CTNND2: variants seen among roughly 807,000 people sequenced by gnomAD.
The protein encoded by CTNND2 is catenin delta-2.
In CTNND2, 22 loss-of-function variants were observed where a neutral mutation model predicts 144.4. The observed-to-expected ratio is 0.15, with a 90% CI of 0.11 to 0.22. CTNND2 has a LOEUF of 0.22. Ranked by LOEUF, CTNND2 falls within the 10% of genes least tolerant of loss-of-function variation. CTNND2 has a pLI of 1.00. For synonymous variants in CTNND2, 751 were observed against 695.6 expected (o/e 1.08, Z -1.25); for missense variants, 1,353 against 1,618.8 (o/e 0.84, Z 2.82).
At chr5:11,423,633 T>A (rs1762540861) in intron 3 of CTNND2, among the ~76,000 whole-genome samples, 1 of 152,184 alleles carries the variant, frequency 6.6e-6, no homozygotes, top group African/African-American at 2.4e-5. Context: ...TGCATGAGTG[T>A]GTGAATGTGT....
chr5:11,527,117 AGAT>A (rs1561516232), intron 3 of CTNND2, among the ~76,000 whole-genome samples: 1 of 152,172 alleles, frequency 6.6e-6, no homozygotes, highest in Non-Finnish European at 1.5e-5. Context: ...CAGTTTTGGA[AGAT>A]GAAAAAATTC....
chr5:11,741,985 G>A (rs1788042975), intron 1 of CTNND2, among the ~76,000 whole-genome samples: 1 of 151,698 alleles, frequency 6.6e-6, no homozygotes, highest in African/African-American at 2.4e-5. Flanking sequence ...TCACTCATAA[G>A]TGGGAGCTAA....
chr5:11,387,381 C>G (rs2149803438), intron 6 of CTNND2, among the ~76,000 whole-genome samples: 1 of 152,144 alleles, frequency 6.6e-6, no homozygotes, highest in South Asian at 2.1e-4. Context: ...CAAAGTTTGC[C>G]AACACTGCTC....
intron 20 of CTNND2, among the ~76,000 whole-genome samples, chr5:10,982,342 G>A (rs1737393099): frequency 1.3e-5 from 2 of 152,354 alleles, no homozygotes; most frequent in South Asian, 4.1e-4. Context: ...TCGCCTGCAT[G>A]TCCCCCATGT....
At chr5:11,517,753 A>G (rs753081239) in intron 3 of CTNND2, among the ~76,000 whole-genome samples, 17 of 152,138 alleles carry the variant, frequency 1.1e-4, no homozygotes, top group Non-Finnish European at 1.6e-4. Flanking sequence ...ACAAACCTGC[A>G]CATTCTGCCT....
At position 11,017,603 on chromosome 5, in the gene CTNND2, CATATAT is replaced by C. The variant is rs55835829; in HGVS notation, c.3084+365_3084+370del. Among the ~76,000 whole-genome samples, 36 of 99,958 alleles carry C rather than the reference CATATAT, an allele frequency of 3.6e-4. No individual in the cohort carries two copies. In the East Asian group the frequency reaches 0.014, roughly 38 times the overall value. 65.6% of individuals were successfully genotyped at this position (99,958 alleles called of 152,430 possible). ...CTTTCCATATATATATATATCTTTC[CATATAT>C]ATATATATATATTTCCAAAATTACT... On this transcript the variant is annotated intron_variant, in intron 18 of 21. Coordinates refer to ENST00000304623, the MANE Select transcript of CTNND2 (RefSeq NM_001332.4).
rs74455152 is a variant in CTNND2, at chr5:11,807,126, C to T, written c.38-74854G>A. 2.7e-3 allele frequency among the ~76,000 whole-genome samples: 407 copies of T among 152,260 alleles called. 3 individuals are homozygous for T. Among genetic ancestry groups the T allele is most frequent in the Middle Eastern group, 0.01 (3 of 294 alleles). ...AATAATACATGCACATAGTCAACTGCTAAATAGTTCAGGAGGATTTCATAT... is the reference window on the plus strand; with the variant it reads ...AATAATACATGCACATAGTCAACTGTTAAATAGTTCAGGAGGATTTCATAT... On this transcript the variant is annotated intron_variant, in intron 1 of 21. Coordinates refer to ENST00000304623, the MANE Select transcript of CTNND2 (RefSeq NM_001332.4).
intron 1 of CTNND2, among the ~76,000 whole-genome samples, chr5:11,782,675 T>C (rs1790608859): frequency 6.6e-6 from 1 of 152,252 alleles, no homozygotes; most frequent in South Asian, 2.1e-4. Flanking sequence ...GCTTGGTCCT[T>C]AATTCAACCT....
intron 2 of CTNND2, among the ~76,000 whole-genome samples, chr5:11,631,578 C>T (rs1463032793): frequency 6.6e-6 from 1 of 152,158 alleles, no homozygotes; most frequent in East Asian, 1.9e-4. Flanking sequence ...TCGCTCACCA[C>T]CTCCAAGTAT....
intron 15 of CTNND2, among the ~76,000 whole-genome samples, chr5:11,087,279 G>A (rs575841216): frequency 1.3e-5 from 2 of 152,250 alleles, no homozygotes; most frequent in East Asian, 3.9e-4. Context: ...AAGAGGGTAG[G>A]AAACACCTCC....
rs1044566096 is a variant in CTNND2, at chr5:11,059,347, A to G, written c.2788+23349T>C. On this transcript the variant is annotated intron_variant, in intron 16 of 21. Coordinates refer to ENST00000304623, the MANE Select transcript of CTNND2 (RefSeq NM_001332.4). ...CTCACAACAGTGAATAAGTCTCATG[A>G]GATCTGATGGTTTTAAAAGGAGGAG... is the stretch of plus-strand genomic sequence containing the variant. Among the ~76,000 whole-genome samples the G allele has an allele frequency of 2.0e-5, 3 of 152,162 alleles. No individual in the cohort carries two copies. In the East Asian group the frequency reaches 5.8e-4, roughly 29 times the overall value.
chr5:11,338,481 A>C (rs1222086918), intron 9 of CTNND2, among the ~76,000 whole-genome samples: 2 of 152,196 alleles, frequency 1.3e-5, no homozygotes, highest in African/African-American at 4.8e-5. Context: ...CTCGTTCCCT[A>C]GAGGAAGGTC....
In CTNND2 at chr5:11,213,997, GTTAA is replaced by G. The variant is rs556386587; in HGVS notation, c.1762-14340_1762-14337del. Among the ~76,000 whole-genome samples, 8 of 152,178 alleles carry G rather than the reference GTTAA, an allele frequency of 5.3e-5. No individual in the cohort carries two copies. The South Asian group carries it at 8.3e-4, about 16-fold the overall frequency. On this transcript the variant is annotated intron_variant, in intron 10 of 21. Transcript: ENST00000304623. ...TTTATTCCAATTTAAAGCTTGTAGC[GTTAA>G]TTTTCTTTTTTTCTTGTAACCCACC... is the stretch of plus-strand genomic sequence containing the variant.
chr5:11,061,928 C>T (rs1317957103), intron 16 of CTNND2, among the ~76,000 whole-genome samples: 1 of 152,094 alleles, frequency 6.6e-6, no homozygotes, highest in African/African-American at 2.4e-5. Flanking sequence ...AGGCTGCTCT[C>T]GAACTCCTGA....
At chr5:11,812,834 G>GCCCC (rs1446146081) in intron 1 of CTNND2, among the ~76,000 whole-genome samples, 5 of 151,982 alleles carry the variant, frequency 3.3e-5, no homozygotes, top group Admixed American at 2.0e-4. Context: ...AGTTACTGGA[G>GCCCC]CCCCCATCAA....
At chr5:11,881,458 G>GT (rs1736105188) in intron 1 of CTNND2, among the ~76,000 whole-genome samples, 1 of 151,734 alleles carries the variant, frequency 6.6e-6, no homozygotes, top group Admixed American at 6.6e-5. Flanking sequence ...TCATCCTCTG[G>GT]TAACCACTAT....
chr5:11,548,011 T>C (rs761883023), intron 3 of CTNND2, among the ~76,000 whole-genome samples: 1 of 151,988 alleles, frequency 6.6e-6, no homozygotes, highest in African/African-American at 2.4e-5. Flanking sequence ...AAAGTGTAAA[T>C]GCCCTGTGGC....
intron 10 of CTNND2, among the ~76,000 whole-genome samples, chr5:11,236,100 A>C (rs527379935): frequency 6.6e-6 from 1 of 152,336 alleles, no homozygotes; most frequent in Non-Finnish European, 1.5e-5. Flanking sequence ...CATGTATCCC[A>C]AAAACACAGA....
chr5:11,411,066 G>T (rs1171675891), intron 5 of CTNND2, among the ~76,000 whole-genome samples: 1 of 151,914 alleles, frequency 6.6e-6, no homozygotes, highest in African/African-American at 2.4e-5. Flanking sequence ...TAGAGATGGG[G>T]TGTCACCATA....
Sources: allele counts gnomAD v4.1 joint callset (sites outside exome capture counted in the v4.1 genomes callset), GRCh38; gene constraint gnomAD v4.1.1; transcripts MANE v1.5; gene names NCBI Gene and HGNC (gene_info 2026-07-23, HGNC 2026-07-21).